Variants in ZBTB17 observed in about 807,000 individuals in gnomAD.
The protein encoded by ZBTB17 is zinc finger and BTB domain containing 17.
A neutral mutation model predicts 85.1 loss-of-function variants in ZBTB17; 24 were observed. The observed-to-expected ratio is 0.28, with a 90% CI of 0.20 to 0.40. The LOEUF is 0.40. Among genes scored for constraint, ZBTB17 ranks in the 10% least tolerant of loss-of-function variants. The probability of loss-of-function intolerance (pLI) is 1.00; values close to 1 mark genes in which losing one functional copy is unlikely to be tolerated. For missense variants in ZBTB17, 743 were observed against 1,105.1 expected (o/e 0.67, Z 4.65); for synonymous variants, 464 against 460.2 (o/e 1.01, Z -0.11).
intron 2 of ZBTB17, among the ~76,000 whole-genome samples, chr1:15,962,033 G>A (rs11806925): frequency 0.099 from 15,016 of 151,858 alleles, 986 homozygotes; most frequent in African/African-American, 0.18. Context: ...GTGAGATCCC[G>A]TCTCTACAAA....
intron 2 of ZBTB17, among the ~76,000 whole-genome samples, chr1:15,954,374 T>C (rs952765338): frequency 1.3e-5 from 2 of 152,104 alleles, no homozygotes; most frequent in Admixed American, 6.5e-5. Flanking sequence ...TGGCCTACCA[T>C]AGGGAGACAC....
chr1:15,946,013 C>T (rs1466132118), intron 5 of ZBTB17, 141 bp downstream of exon 5: 1 of 1,553,752 alleles, frequency 6.4e-7, no homozygotes, highest in Admixed American at 1.7e-5. Flanking sequence ...CCCTGGAACA[C>T]ACAATAGGTC....
chr1:15,968,185 A>T (rs894574341), intron 2 of ZBTB17, among the ~76,000 whole-genome samples: 1 of 152,236 alleles, frequency 6.6e-6, no homozygotes, highest in Non-Finnish European at 1.5e-5. Flanking sequence ...AAACTCTCAC[A>T]GTTAAGGTCA....
chr1:15,971,532 TATATATATAC>T (rs1282043929), intron 2 of ZBTB17, among the ~76,000 whole-genome samples: 1 of 137,838 alleles, frequency 7.3e-6, no homozygotes, highest in Non-Finnish European at 1.6e-5. Context: ...ACACACACAC[TATATATATAC>T]ACACACACTA....
At chr1:15,962,499 G>T (rs139096740) in intron 2 of ZBTB17, among the ~76,000 whole-genome samples, 146 of 152,178 alleles carry the variant, frequency 9.6e-4, no homozygotes, top group African/African-American at 2.8e-3. Flanking sequence ...ATCCTGGGAG[G>T]GGGGACTAAT....
intron 2 of ZBTB17, among the ~76,000 whole-genome samples, chr1:15,962,784 A>G (rs1570182053): frequency 6.6e-6 from 1 of 152,076 alleles, no homozygotes; most frequent in African/African-American, 2.4e-5. Flanking sequence ...ATCGTATAAA[A>G]CCCAGCAGTG....
At chr1:15,956,656 G>A (rs1440811588) in intron 2 of ZBTB17, among the ~76,000 whole-genome samples, 1 of 152,206 alleles carries the variant, frequency 6.6e-6, no homozygotes, top group African/African-American at 2.4e-5. Flanking sequence ...CCCTTTAGGG[G>A]TGCTCAGCCT....
intron 2 of ZBTB17, among the ~76,000 whole-genome samples, chr1:15,955,568 A>G (rs2072017603): frequency 6.6e-6 from 1 of 152,232 alleles, no homozygotes; most frequent in Admixed American, 6.5e-5. Context: ...TTATAAAAAA[A>G]CAGATTTTTT....
intron 2 of ZBTB17, among the ~76,000 whole-genome samples, chr1:15,971,398 CTA>C (rs1199370291): frequency 1.4e-4 from 21 of 146,386 alleles, no homozygotes; most frequent in Non-Finnish European, 2.4e-4. Context: ...TATATACACA[CTA>C]TATATATACA....
At position 15,942,600 on chromosome 1, in the gene ZBTB17, A is replaced by T; in HGVS notation, c.1967T>A (p.Val656Glu). The T allele has an allele frequency of 6.2e-7, 1 of 1,613,220 alleles. No homozygotes were observed. The highest frequency in any genetic ancestry group is 8.5e-7 in the Non-Finnish European group (1 of 1,180,042). The change falls in exon 14 of 16, where the codon GTG becomes GAG. Residue 656 changes from valine to glutamate, a missense_variant. Physicochemically the swap from Val to Glu is moderately radical, Grantham distance 121. Around this residue, in one of 4 missense-constraint regions of ZBTB17, gnomAD observed 321 missense variants for 615.7 expected, o/e 0.52. Coordinates refer to ENST00000375743, the MANE Select transcript of ZBTB17 (RefSeq NM_003443.3). The stretch of plus-strand genomic sequence containing the variant: ...CGTGACCATGTCATCCACAGTGACC[A>T]CGCTGACCTCACTGCCCTCCTCGGG... The part of the protein sequence containing the change: ...LEPEEGSEVS[V>E]VTVDDMVTLA...
chr1:15,955,241 T>G (rs1301009804), intron 2 of ZBTB17, among the ~76,000 whole-genome samples: 2 of 152,126 alleles, frequency 1.3e-5, no homozygotes. Flanking sequence ...GAAACCTACC[T>G]GCCCAACCCC....
chr1:15,975,572 T>C (rs1186176810), intron 1 of ZBTB17, among the ~76,000 whole-genome samples: 1 of 152,008 alleles, frequency 6.6e-6, no homozygotes, highest in Non-Finnish European at 1.5e-5. Flanking sequence ...GCAGCCCCGC[T>C]CCCTCCCGCC....
chr1:15,962,834 G>A (rs965961267), intron 2 of ZBTB17, among the ~76,000 whole-genome samples: 4 of 152,180 alleles, frequency 2.6e-5, no homozygotes, highest in African/African-American at 9.6e-5. Context: ...CCAGCTACTC[G>A]AAAGGCTGAA....
chr1:15,968,271 T>G (rs1228743971), intron 2 of ZBTB17, among the ~76,000 whole-genome samples: 1 of 152,188 alleles, frequency 6.6e-6, no homozygotes, highest in Non-Finnish European at 1.5e-5. Flanking sequence ...CTCAATTACA[T>G]GGAGTTTTCT....
At chr1:15,942,788 T>C in intron 13 of ZBTB17, 50 bp from the exon 14 acceptor site, 3 of 1,596,030 alleles carry the variant, frequency 1.9e-6, no homozygotes, top group Non-Finnish European at 2.6e-6. Context: ...GCCGCAGGGA[T>C]GGGGTGGGAG....
intron 2 of ZBTB17, among the ~76,000 whole-genome samples, chr1:15,971,493 A>C (rs12744148): frequency 9.5e-5 from 7 of 73,898 alleles, no homozygotes; most frequent in Non-Finnish European, 1.9e-4. Flanking sequence ...TACACACACT[A>C]TATATATATA....
In ZBTB17 at chr1:15,942,134, T is replaced by C; in HGVS notation, c.2247A>G (p.Thr749=). ...CATACTGCTGATAGAAGTCCGCGTCTGTCTGGAACATGACCAGTGCCTGGG... is the reference window on the plus strand; with the variant it reads ...CATACTGCTGATAGAAGTCCGCGTCCGTCTGGAACATGACCAGTGCCTGGG... ...HTAQALVMFQ[T]DADFYQQYGP... The change falls in exon 16 of 16, where the codon ACA becomes ACG. Residue 749 remains threonine, a synonymous_variant. Coordinates refer to ENST00000375743, the MANE Select transcript of ZBTB17 (RefSeq NM_003443.3). The C allele has an allele frequency of 6.2e-7, 1 of 1,613,552 alleles. No individual in the cohort carries two copies. The highest frequency in any genetic ancestry group is 8.5e-7 in the Non-Finnish European group (1 of 1,180,032).
Position 15,951,299 on chromosome 1 carries a change from GAGA to G in ZBTB17, c.-2-2805_-2-2803del, listed in dbSNP as rs1248025030. ...GGCAAAGTAAGGGAAGGAAAGGAGA[GAGA>G]AGAAGGAAGGAAGGAAGGGAGAGAG... On this transcript the variant is annotated intron_variant, in intron 2 of 15. Coordinates refer to ENST00000375743, the MANE Select transcript of ZBTB17 (RefSeq NM_003443.3). This position sits in a 1 kb window ranked among gnomAD's most constrained non-coding sequence, Gnocchi z 4.1. 1.0e-4 allele frequency among the ~76,000 whole-genome samples: 15 copies of G among 148,436 alleles called. No homozygotes were observed. Among genetic ancestry groups the G allele is most frequent in the Middle Eastern group, 6.8e-3 (2 of 292 alleles).
chr1:15,972,364 G>A (rs2072718556), intron 2 of ZBTB17, among the ~76,000 whole-genome samples: 1 of 152,150 alleles, frequency 6.6e-6, no homozygotes, highest in Non-Finnish European at 1.5e-5. Context: ...CTCAGGCTGG[G>A]ATCACACCCC....
Sources: allele counts gnomAD v4.1 joint callset (sites outside exome capture counted in the v4.1 genomes callset), GRCh38; gene constraint gnomAD v4.1.1; regional missense constraint gnomAD v4.1.1; non-coding constraint Gnocchi (gnomAD v3.1); transcripts MANE v1.5; gene names NCBI Gene and HGNC (gene_info 2026-07-23, HGNC 2026-07-21).